Variants in CNTN4 observed in about 807,000 individuals in gnomAD.
CNTN4 encodes the protein contactin 4.
In CNTN4, 77 loss-of-function variants were observed where a neutral mutation model predicts 122.5. That is an observed-to-expected ratio of 0.63 (90% confidence interval 0.52 to 0.76). The LOEUF (loss-of-function observed/expected upper bound fraction) is 0.76, where lower values mean the gene tolerates loss of function less well. Among genes scored for constraint, CNTN4 ranks in the 30% least tolerant of loss-of-function variants. The probability of loss-of-function intolerance (pLI) is 0.00; values close to 1 mark genes in which losing one functional copy is unlikely to be tolerated. For synonymous variants in CNTN4, 512 were observed against 447.0 expected (o/e 1.15, Z -1.83); for missense variants, 1,256 against 1,259.1 (o/e 1.00, Z 0.04).
intron 2 of CNTN4, among the ~76,000 whole-genome samples, chr3:2,126,623 T>C (rs935425915): frequency 2.0e-5 from 3 of 152,210 alleles, no homozygotes; most frequent in Non-Finnish European, 4.4e-5. Flanking sequence ...TTGTTTTGAC[T>C]AGAATGGTAA....
At chr3:2,412,528 C>A (rs1471171825) in intron 3 of CNTN4, among the ~76,000 whole-genome samples, 1 of 152,152 alleles carries the variant, frequency 6.6e-6, no homozygotes, top group East Asian at 1.9e-4. Flanking sequence ...GCTGGGATTA[C>A]AGGCATGAGC....
At chr3:3,034,944 A>G (rs1376126686) in intron 17 of CNTN4, among the ~76,000 whole-genome samples, 154 bp downstream of exon 17, 1 of 152,150 alleles carries the variant, frequency 6.6e-6, no homozygotes, top group Non-Finnish European at 1.5e-5. Flanking sequence ...TACTATCATT[A>G]ATATTTTTCT....
chr3:2,223,870 G>T (rs1213967811), intron 2 of CNTN4, among the ~76,000 whole-genome samples: 2 of 152,130 alleles, frequency 1.3e-5, no homozygotes, highest in South Asian at 2.1e-4. Context: ...CACAAAACGG[G>T]GTCCCACAAC....
At chr3:2,446,353 A>AATGG (rs34636863) in intron 3 of CNTN4, among the ~76,000 whole-genome samples, 13 of 151,434 alleles carry the variant, frequency 8.6e-5, no homozygotes, top group Non-Finnish European at 1.9e-4. Context: ...GCCATGCCAC[A>AATGG]TGCAAAGATA....
chr3:2,786,038 G>A (rs1326255689), intron 6 of CNTN4, among the ~76,000 whole-genome samples: 1 of 151,988 alleles, frequency 6.6e-6, no homozygotes, highest in Admixed American at 6.6e-5. Flanking sequence ...AATCGGAGAG[G>A]ATTTGGGCTG....
chr3:2,323,109 G>C (rs2043326655), intron 2 of CNTN4, among the ~76,000 whole-genome samples: 1 of 152,076 alleles, frequency 6.6e-6, no homozygotes, highest in African/African-American at 2.4e-5. Context: ...AGACTGATCT[G>C]GAATGACTGT....
chr3:2,863,172 C>T (rs568422319), intron 7 of CNTN4, among the ~76,000 whole-genome samples: 168 of 152,242 alleles, frequency 1.1e-3, no homozygotes, highest in Non-Finnish European at 1.8e-3. Flanking sequence ...CCTGATTGCC[C>T]TGAAGAGATA....
At position 2,591,217 on chromosome 3, in the gene CNTN4, A is replaced by T. The variant is rs541043683; in HGVS notation, c.55+19659A>T. Among the ~76,000 whole-genome samples, 38 of 152,342 alleles carry T rather than the reference A, an allele frequency of 2.5e-4. 1 individual carries two copies. The highest frequency in any genetic ancestry group is 3.4e-3 in the Middle Eastern group (1 of 294). On this transcript the variant is annotated intron_variant, in intron 4 of 24. Coordinates refer to ENST00000418658, the MANE Select transcript of CNTN4 (RefSeq NM_175607.3). ...CTACATCTCCATGATCACATTGTCCAGATGTTCAATAAATTTTTGAATATA... is the reference window on the plus strand; with the variant it reads ...CTACATCTCCATGATCACATTGTCCTGATGTTCAATAAATTTTTGAATATA...
chr3:2,588,202 T>C (rs1216213372), intron 4 of CNTN4, among the ~76,000 whole-genome samples: 3 of 152,176 alleles, frequency 2.0e-5, no homozygotes, highest in Non-Finnish European at 4.4e-5. Flanking sequence ...ACTCTGCTCC[T>C]GAGCCTTGAT....
intron 8 of CNTN4, among the ~76,000 whole-genome samples, chr3:2,882,280 C>T (rs2093920803): frequency 6.6e-6 from 1 of 151,794 alleles, no homozygotes; most frequent in Non-Finnish European, 1.5e-5. Flanking sequence ...GCAGGAGAAT[C>T]GCTTGAACCC....
chr3:2,853,861 G>A (rs4269067), intron 7 of CNTN4, among the ~76,000 whole-genome samples: 24,793 of 152,060 alleles, frequency 0.16, 2,273 homozygotes, highest in East Asian at 0.45. Context: ...AGGTATGATT[G>A]GTCTCCTGTG....
At chr3:2,218,953 G>T (rs1488248704) in intron 2 of CNTN4, among the ~76,000 whole-genome samples, 1 of 152,224 alleles carries the variant, frequency 6.6e-6, no homozygotes, top group East Asian at 1.9e-4. Flanking sequence ...AGGAGCATCT[G>T]TTAGAGAGAA....
At chr3:2,561,305 A>G (rs2078943814) in intron 3 of CNTN4, among the ~76,000 whole-genome samples, 2 of 152,292 alleles carry the variant, frequency 1.3e-5, no homozygotes, top group South Asian at 4.1e-4. Flanking sequence ...AGCAGAAGGA[A>G]AACAAACGTG....
chr3:2,518,702 T>G (rs984328408), intron 3 of CNTN4, among the ~76,000 whole-genome samples: 2 of 152,134 alleles, frequency 1.3e-5, no homozygotes, highest in African/African-American at 4.8e-5. Flanking sequence ...AGCCCATGGC[T>G]AAATGGATAA....
rs955510932 is a variant in CNTN4, at chr3:2,571,528, G to C, written c.25G>C (p.Val9Leu). MRLPWELL[V>L]LQSFILCLAD... The stretch of plus-strand genomic sequence containing the variant: ...GATGAGGTTGCCATGGGAACTGCTG[G>C]TACTGCAATCATTCATTTTGTGCCT... The change falls in exon 4 of 25, where the codon GTA becomes CTA. Residue 9 changes from valine (V) to leucine (L), a missense_variant. Coordinates refer to ENST00000418658, the MANE Select transcript of CNTN4 (RefSeq NM_175607.3). The C allele has an allele frequency of 6.2e-7, 1 of 1,613,796 alleles. No individual in the cohort carries two copies. The highest frequency in any genetic ancestry group is 1.7e-5 in the Admixed American group (1 of 60,022).
chr3:2,371,404 C>G (rs554901768), intron 3 of CNTN4, among the ~76,000 whole-genome samples: 1 of 152,186 alleles, frequency 6.6e-6, no homozygotes, highest in Non-Finnish European at 1.5e-5. Context: ...ACCCCAACCC[C>G]AATGCTCTGG....
rs552179937 is a variant in CNTN4, at chr3:2,244,058, T to TC, written c.-144-95118dup. Among the ~76,000 whole-genome samples, 46 of 152,202 alleles carry TC rather than the reference T, an allele frequency of 3.0e-4. 1 individual carries two copies. The East Asian group carries it at 7.5e-3, about 25-fold the overall frequency. ...CTTTATCCATAGCCCATACCACAAC[T>TC]CCAAGTAGATGCCTGCAGATGGTAC... On this transcript the variant is annotated intron_variant, in intron 2 of 24. Coordinates refer to ENST00000418658, the MANE Select transcript of CNTN4 (RefSeq NM_175607.3).
chr3:2,139,626 T>G (rs66863407), intron 2 of CNTN4, among the ~76,000 whole-genome samples: 8,947 of 152,264 alleles, frequency 0.059, 427 homozygotes, highest in East Asian at 0.25. Context: ...AGACATAGAT[T>G]ATCACTGAAA....
chr3:2,329,077 T>G (rs960355260), intron 2 of CNTN4, among the ~76,000 whole-genome samples: 1 of 152,094 alleles, frequency 6.6e-6, no homozygotes, highest in East Asian at 1.9e-4. Context: ...AAAATAAAAA[T>G]TTTCACAAAT....
Sources: gnomAD v4.1 joint callset for allele counts (sites outside exome capture counted in the v4.1 genomes callset) on GRCh38, gnomAD v4.1.1 for gene constraint, MANE v1.5 for transcripts, NCBI Gene and HGNC (gene_info 2026-07-23, HGNC 2026-07-21) for gene names.